The following RGL1 variants were observed in gnomAD, a reference collection of about 807,000 sequenced individuals.
RGL1 encodes the protein ral guanine nucleotide dissociation stimulator like 1, also known as ral guanine nucleotide dissociation stimulator-like 1.
Under a neutral mutation model 95.2 loss-of-function variants are expected in RGL1, and 24 were observed. That is an observed-to-expected ratio of 0.25 (90% confidence interval 0.18 to 0.35). RGL1 has a LOEUF of 0.35. Ranked by LOEUF, RGL1 falls within the 10% of genes least tolerant of loss-of-function variation. RGL1 has a pLI of 1.00. For synonymous variants in RGL1, 329 were observed against 344.9 expected, an observed-to-expected ratio of 0.95 and a Z score of 0.51; for missense variants, 715 against 936.3, an observed-to-expected ratio of 0.76 and a Z score of 3.08.
intron 3 of RGL1, among the ~76,000 whole-genome samples, chr1:183,849,775 G>A (rs535697960): frequency 3.3e-5 from 5 of 151,980 alleles, no homozygotes; most frequent in African/African-American, 7.2e-5. Flanking sequence ...CTTGAGAGCC[G>A]CTGCGCCCAG....
chr1:183,917,811 G>A (rs895203001), intron 16 of RGL1, among the ~76,000 whole-genome samples: 15 of 152,308 alleles, frequency 9.8e-5, no homozygotes, highest in South Asian at 4.1e-4. Flanking sequence ...TGTTAATCCC[G>A]CAGGCAATAG....
intron 16 of RGL1, among the ~76,000 whole-genome samples, chr1:183,918,793 A>T (rs1180760410): frequency 6.6e-6 from 1 of 152,202 alleles, no homozygotes; most frequent in Non-Finnish European, 1.5e-5. Flanking sequence ...CCTTTCATGA[A>T]AATCCTGCCA....
intron 16 of RGL1, among the ~76,000 whole-genome samples, chr1:183,919,960 T>C (rs1669220917): frequency 6.6e-6 from 1 of 152,202 alleles, no homozygotes; most frequent in Admixed American, 6.5e-5. Context: ...AGTAAAATAC[T>C]GCATTAACAA....
At chr1:183,823,618 A>G (rs187453229) in intron 2 of RGL1, among the ~76,000 whole-genome samples, 3 of 152,198 alleles carry the variant, frequency 2.0e-5, no homozygotes, top group Admixed American at 6.5e-5. Context: ...TGATTTGGAT[A>G]CATATCTAGG....
At chr1:183,736,752 A>G (rs1476166762) in intron 1 of RGL1, among the ~76,000 whole-genome samples, 1 of 152,240 alleles carries the variant, frequency 6.6e-6, no homozygotes. Flanking sequence ...TTTCAAGATT[A>G]GAAGAAATCT....
intron 9 of RGL1, among the ~76,000 whole-genome samples, chr1:183,892,505 A>C (rs1380045178): frequency 6.6e-6 from 1 of 152,198 alleles, no homozygotes; most frequent in Non-Finnish European, 1.5e-5. Flanking sequence ...CCTTCTCAGC[A>C]AAACATCTAG....
intron 1 of RGL1, among the ~76,000 whole-genome samples, chr1:183,665,790 G>A (rs868599781): frequency 6.6e-6 from 1 of 151,960 alleles, no homozygotes; most frequent in Admixed American, 6.6e-5. Flanking sequence ...TAGTTAACCT[G>A]GCTTGAGGCT....
chr1:183,656,113 C>CTTTTTTTTTTTTTT (rs60220835), intron 1 of RGL1, among the ~76,000 whole-genome samples: 1 of 144,972 alleles, frequency 6.9e-6, no homozygotes, highest in South Asian at 2.2e-4. Context: ...CTTTTCTTTT[C>CTTTTTTTTTTTTTT]TTTTTTTTTT....
chr1:183,701,072 A>G (rs1257767327), intron 1 of RGL1, among the ~76,000 whole-genome samples: 1 of 152,188 alleles, frequency 6.6e-6, no homozygotes, highest in Non-Finnish European at 1.5e-5. Flanking sequence ...ATGTCCCTGC[A>G]AAGGACATGA....
intron 2 of RGL1, among the ~76,000 whole-genome samples, chr1:183,833,043 T>A (rs1663370467): frequency 6.6e-6 from 1 of 152,132 alleles, no homozygotes; most frequent in South Asian, 2.1e-4. Flanking sequence ...CCTATTGAAT[T>A]TCATAACATA....
chr1:183,823,008 T>C (rs1000114329), intron 2 of RGL1, among the ~76,000 whole-genome samples: 4 of 152,210 alleles, frequency 2.6e-5, no homozygotes, highest in Non-Finnish European at 5.9e-5. Flanking sequence ...CAAATGTTAC[T>C]TCTGTGAGTC....
chr1:183,849,483 G>GTTTTTTTTTTTTT (rs1418103960), intron 3 of RGL1, among the ~76,000 whole-genome samples: 3 of 120,852 alleles, frequency 2.5e-5, no homozygotes, highest in Non-Finnish European at 4.8e-5. Flanking sequence ...CCAGTTTTTA[G>GTTTTTTTTTTTTT]TTTTTTTTTT....
chr1:183,645,421 T>G (rs1216870004), intron 1 of RGL1, among the ~76,000 whole-genome samples: 1 of 152,234 alleles, frequency 6.6e-6, no homozygotes, highest in African/African-American at 2.4e-5. Context: ...TCAGTCTCAT[T>G]GTTTTCTTGG....
chr1:183,816,333 C>T (rs1172293623), intron 2 of RGL1, among the ~76,000 whole-genome samples: 1 of 152,170 alleles, frequency 6.6e-6, no homozygotes, highest in African/African-American at 2.4e-5. Flanking sequence ...TTATGCTAAT[C>T]TTTCTTAATA....
chr1:183,647,125 G>A (rs1650346736), intron 1 of RGL1: 1 of 152,840 alleles, frequency 6.5e-6, no homozygotes, highest in Admixed American at 6.5e-5. Context: ...AATCTTTATA[G>A]CTATATGTAA....
chr1:183,903,609 C>G (rs1184432650), intron 12 of RGL1, among the ~76,000 whole-genome samples: 3 of 152,064 alleles, frequency 2.0e-5, no homozygotes, highest in African/African-American at 7.2e-5. Context: ...TGCCTGCCCT[C>G]GTAAAGTTCA....
At chr1:183,721,201 C>T (rs1389810293) in intron 1 of RGL1, among the ~76,000 whole-genome samples, 3 of 152,180 alleles carry the variant, frequency 2.0e-5, no homozygotes, top group South Asian at 2.1e-4. Flanking sequence ...TAATCATATT[C>T]CTCTGTGTAG....
intron 1 of RGL1, chr1:183,648,011 A>T: frequency 6.2e-7 from 1 of 1,614,216 alleles, no homozygotes; most frequent in Non-Finnish European, 8.5e-7. Flanking sequence ...AGCTCTCTAA[A>T]GCCTCCTGAG....
intron 1 of RGL1, among the ~76,000 whole-genome samples, chr1:183,730,767 C>T (rs1268273815): frequency 1.3e-5 from 2 of 152,094 alleles, no homozygotes; most frequent in African/African-American, 4.8e-5. Flanking sequence ...TTCACCCAGG[C>T]AGGCTGTTGA....
Sources: gnomAD v4.1 joint callset for allele counts (sites outside exome capture counted in the v4.1 genomes callset) on GRCh38, gnomAD v4.1.1 for gene constraint, MANE v1.5 for transcripts, NCBI Gene and HGNC (gene_info 2026-07-23, HGNC 2026-07-21) for gene names.